Variants in ZSCAN25 observed in about 807,000 individuals in gnomAD.
ZSCAN25 encodes zinc finger and SCAN domain containing 25, also known as zinc finger and SCAN domain-containing protein 25.
ZSCAN25 carries 27 observed loss-of-function variants against 38.7 expected under a neutral mutation model. The ratio of observed to expected loss-of-function variants is 0.70; its 90% CI spans 0.51 to 0.96. The LOEUF is 0.96. Ranked by LOEUF, ZSCAN25 falls within the 40% of genes least tolerant of loss-of-function variation. The probability of loss-of-function intolerance (pLI) is 0.00; values close to 1 mark genes in which losing one functional copy is unlikely to be tolerated. For synonymous variants in ZSCAN25, 273 were observed against 277.7 expected (o/e 0.98, Z 0.17); for missense variants, 637 against 705.9 (o/e 0.90, Z 1.11).
the ZSCAN25 span, among the ~76,000 whole-genome samples, chr7:99,651,739 C>G: frequency 6.6e-6 from 1 of 152,314 alleles, no homozygotes; most frequent in South Asian, 2.1e-4. Context: ...TGGGAAAACA[C>G]CAACTATATC....
the ZSCAN25 span, among the ~76,000 whole-genome samples, chr7:99,690,493 A>T: frequency 2.6e-5 from 4 of 152,218 alleles, no homozygotes; most frequent in Non-Finnish European, 4.4e-5. Context: ...AGAAACTACC[A>T]TCAGAGTGAA....
rs1807990311 is a variant in ZSCAN25 at position 99,631,449 on chromosome 7, T to C, written c.*1429T>C. 2.0e-6 allele frequency: 2 copies of C among 985,386 alleles called. No homozygotes were observed. Among genetic ancestry groups the C allele is most frequent in the Non-Finnish European group, 2.4e-6 (2 of 829,948 alleles). The allele number at this position is 985,386 out of a possible 1,614,324, so 61.0% of individuals were successfully genotyped here. On this transcript the variant is annotated 3_prime_UTR_variant, in exon 8 of 8. Transcript: ENST00000394152. ...CCATCACTTAAGGGTTTCATTTCTGTTTAAAGTTCTGGAAGCTGCATAACT... is the reference window on the plus strand; with the variant it reads ...CCATCACTTAAGGGTTTCATTTCTGCTTAAAGTTCTGGAAGCTGCATAACT...
the ZSCAN25 span, among the ~76,000 whole-genome samples, chr7:99,656,724 G>T: frequency 3.3e-5 from 5 of 152,232 alleles, no homozygotes; most frequent in South Asian, 1.0e-3. Flanking sequence ...ACTTTTTTTG[G>T]TTGGTAAGCT....
chr7:99,633,278 A>G (rs1477359014), downstream of ZSCAN25, among the ~76,000 whole-genome samples: 1 of 152,238 alleles, frequency 6.6e-6, no homozygotes, highest in Non-Finnish European at 1.5e-5. Flanking sequence ...TTTTGGCAAG[A>G]ACACATTATA....
the ZSCAN25 span, among the ~76,000 whole-genome samples, chr7:99,736,387 T>G: frequency 1.2e-4 from 18 of 152,276 alleles, 1 homozygote; most frequent in East Asian, 3.5e-3. Context: ...GCTTCCTTTT[T>G]GACAAGTGGA....
chr7:99,663,841 T>A, the ZSCAN25 span: 1 of 1,383,436 alleles, frequency 7.2e-7, no homozygotes, highest in Non-Finnish European at 9.3e-7. Flanking sequence ...ACCAAATGGC[T>A]TCTCTTGTTC....
At chr7:99,682,382 T>G in the ZSCAN25 span, among the ~76,000 whole-genome samples, 1 of 152,256 alleles carries the variant, frequency 6.6e-6, no homozygotes, top group South Asian at 2.1e-4. Context: ...CAGAAGAGAC[T>G]GTCTTTTCCC....
At chr7:99,713,476 G>A in the ZSCAN25 span, 126 of 1,613,328 alleles carry the variant, frequency 7.8e-5, no homozygotes, top group South Asian at 1.2e-3. Context: ...TACCTTTGTG[G>A]GTCTCAGAGT....
At chr7:99,676,319 G>T in the ZSCAN25 span, 1 of 1,569,158 alleles carries the variant, frequency 6.4e-7, no homozygotes, top group African/African-American at 1.4e-5. Context: ...ATATGTACAC[G>T]ATAAATAATA....
chr7:99,663,230 T>A, the ZSCAN25 span: 1 of 1,060,204 alleles, frequency 9.4e-7, no homozygotes, highest in Non-Finnish European at 1.1e-6. Flanking sequence ...CTGGATCTTT[T>A]ATTCTTCTAC....
chr7:99,652,772 G>A, the ZSCAN25 span: 9 of 1,611,686 alleles, frequency 5.6e-6, no homozygotes, highest in East Asian at 8.9e-5. Context: ...ATCATAGGTA[G>A]GTGGTGCCTG....
chr7:99,662,090 TAGAC>T, the ZSCAN25 span, among the ~76,000 whole-genome samples: 44 of 152,306 alleles, frequency 2.9e-4, no homozygotes, highest in African/African-American at 4.8e-4. The surrounding 1 kb of genome is among the most constrained non-coding windows in gnomAD (Gnocchi z 4.3). Context: ...GACAGATAGA[TAGAC>T]AGACAGAAGT....
the ZSCAN25 span, among the ~76,000 whole-genome samples, chr7:99,707,612 T>C: frequency 6.6e-6 from 1 of 152,208 alleles, no homozygotes; most frequent in South Asian, 2.1e-4. Context: ...ACATTGACAT[T>C]GCATGATGTT....
the ZSCAN25 span, among the ~76,000 whole-genome samples, chr7:99,661,801 G>T: frequency 1.3e-5 from 2 of 152,200 alleles, no homozygotes; most frequent in African/African-American, 4.8e-5. Context: ...ATACTGAGTT[G>T]AAATTGAACT....
At position 99,630,482 on chromosome 7, in the gene ZSCAN25, G is replaced by A. The variant is rs1429174085; in HGVS notation, c.*462G>A. 1.0e-6 allele frequency: 1 copy of A among 997,310 alleles called. No homozygotes were observed. The highest frequency in any genetic ancestry group is 1.2e-6 in the Non-Finnish European group (1 of 837,374). 61.8% of individuals were successfully genotyped at this position (997,310 alleles called of 1,614,324 possible). On this transcript the variant is annotated 3_prime_UTR_variant, in exon 8 of 8. Coordinates refer to ENST00000394152, the MANE Select transcript of ZSCAN25 (RefSeq NM_145115.3). The stretch of plus-strand genomic sequence containing the variant: ...ACATCCTCTGAGCACCTGGCCGTGG[G>A]AATGCCGTGGTGAATGAGAGACTAG...
the ZSCAN25 span, among the ~76,000 whole-genome samples, chr7:99,698,046 T>C: frequency 6.8e-6 from 1 of 147,012 alleles, no homozygotes; most frequent in African/African-American, 2.4e-5. Flanking sequence ...GAGGCTGTGC[T>C]GGGCAAACTG....
chr7:99,660,823 G>A, the ZSCAN25 span, among the ~76,000 whole-genome samples: 1 of 152,104 alleles, frequency 6.6e-6, no homozygotes, highest in Non-Finnish European at 1.5e-5. Context: ...CTTATACAGG[G>A]CCAGGATGAC....
At chr7:99,622,728 C>A in intron 6 of ZSCAN25, 88 bp downstream of exon 6, 1 of 1,241,066 alleles carries the variant, frequency 8.1e-7, no homozygotes, top group Non-Finnish European at 1.1e-6. Flanking sequence ...AACAGTGTTC[C>A]CTTCCCGCCC....
the ZSCAN25 span, chr7:99,648,489 T>G: frequency 4.1e-6 from 4 of 984,958 alleles, no homozygotes; most frequent in Non-Finnish European, 4.5e-6. Context: ...ATGACAAAAA[T>G]GCTTTGCAAG....
Sources: allele counts gnomAD v4.1 joint callset (sites outside exome capture counted in the v4.1 genomes callset), GRCh38; gene constraint gnomAD v4.1.1; non-coding constraint Gnocchi (gnomAD v3.1); transcripts MANE v1.5; gene names NCBI Gene and HGNC (gene_info 2026-07-23, HGNC 2026-07-21).